Variants in RGR observed in about 807,000 individuals in gnomAD.
RGR encodes RPE-retinal G protein-coupled receptor.
In RGR, 30 loss-of-function variants were observed where a neutral mutation model predicts 28.6. The ratio of observed to expected loss-of-function variants is 1.05; its 90% confidence interval spans 0.78 to 1.42. The LOEUF is 1.42. Among genes scored for constraint, RGR ranks in the 40% most tolerant of loss-of-function variants. The pLI, the probability that RGR is intolerant of heterozygous loss-of-function variation, is 0.00. For missense variants in RGR, 404 were observed against 375.6 expected, an observed-to-expected ratio of 1.08 and a Z score of -0.62; for synonymous variants, 180 against 156.4, an observed-to-expected ratio of 1.15 and a Z score of -1.13.
At chr10:84,255,791 G>C (rs10887263) in intron 5 of RGR, among the ~76,000 whole-genome samples, 68,652 of 140,698 alleles carry the variant, frequency 0.49, 18,219 homozygotes, top group African/African-American at 0.73. Context: ...ATGGTGTGAT[G>C]TCGGCTCACC....
At chr10:84,247,883 A>C in intron 2 of RGR, 136 bp downstream of exon 2, 1 of 1,215,236 alleles carries the variant, frequency 8.2e-7, no homozygotes, top group Non-Finnish European at 1.2e-6. Context: ...GCAGGCTAAA[A>C]TGGGCTGAAT....
At chr10:84,249,223 T>C (rs1258661912) in intron 3 of RGR, among the ~76,000 whole-genome samples, 180 bp downstream of exon 3, 1 of 152,186 alleles carries the variant, frequency 6.6e-6, no homozygotes, top group East Asian at 1.9e-4. Flanking sequence ...TGGGAGAGTG[T>C]GCAGGAGAGC....
chr10:84,248,757 C>G, intron 2 of RGR, 165 bp from the exon 3 acceptor site: 1 of 1,275,268 alleles, frequency 7.8e-7, no homozygotes, highest in Non-Finnish European at 1.1e-6. Flanking sequence ...CCCCTTCAGC[C>G]CAGTTACTTG....
Position 84,254,273 on chromosome 10 carries a change from C to T in RGR, c.513-53C>T, listed in dbSNP as rs1842854474. On this transcript the variant is annotated intron_variant, in intron 4 of 6. Transcript: ENST00000652092. ...GGCAGAGCTGGTGGGTCCTTGAGGG[C>T]AGCTGGCCATCCCTGAGAGCTAACC... 2.7e-6 allele frequency: 4 copies of T among 1,484,162 alleles called. No homozygotes were observed. In the African/African-American group the frequency reaches 5.5e-5, roughly 21 times the overall value. The allele number at this position is 1,484,162 out of a possible 1,614,324, so 91.9% of individuals were successfully genotyped here.
intron 5 of RGR, among the ~76,000 whole-genome samples, chr10:84,256,745 C>T (rs943689854): frequency 1.3e-5 from 2 of 152,168 alleles, no homozygotes; most frequent in Non-Finnish European, 2.9e-5. Flanking sequence ...GCAAAGTTCA[C>T]ATTTACTGGA....
chr10:84,256,995 C>G (rs1392870879), intron 5 of RGR, among the ~76,000 whole-genome samples: 1 of 151,456 alleles, frequency 6.6e-6, no homozygotes, highest in Non-Finnish European at 1.5e-5. Flanking sequence ...TTTTTTTTTC[C>G]CCAAATAAGG....
At chr10:84,245,282 C>A in intron 1 of RGR, 113 bp downstream of exon 1, 1 of 1,003,512 alleles carries the variant, frequency 1.0e-6, no homozygotes, top group East Asian at 2.5e-5. Flanking sequence ...GCTGGGTGTC[C>A]GGTCCCATTG....
At chr10:84,248,889 G>A (rs776847577) in intron 2 of RGR, 33 bp from the exon 3 acceptor site, 2 of 1,614,208 alleles carry the variant, frequency 1.2e-6, no homozygotes, top group Non-Finnish European at 1.7e-6. Flanking sequence ...AAGGATCGGA[G>A]GAGAGGTCAC....
chr10:84,255,718 CTTTTTT>C (rs71013305), intron 5 of RGR, among the ~76,000 whole-genome samples: 63 of 102,850 alleles, frequency 6.1e-4, no homozygotes, highest in Admixed American at 9.1e-4. Context: ...GGTTTTCTTT[CTTTTTT>C]TTTTTTTTTT....
At chr10:84,249,125 G>T in intron 3 of RGR, 82 bp downstream of exon 3, 1 of 1,579,732 alleles carries the variant, frequency 6.3e-7, no homozygotes, top group Non-Finnish European at 8.7e-7. Context: ...GTCATAACTA[G>T]CTACTGCTCC....
chr10:84,247,001 A>AT (rs538042638), intron 1 of RGR, among the ~76,000 whole-genome samples: 120 of 152,170 alleles, frequency 7.9e-4, no homozygotes, highest in South Asian at 4.8e-3. Context: ...TGAAGGCAGG[A>AT]TTTTTTCCTG....
intron 5 of RGR, among the ~76,000 whole-genome samples, chr10:84,256,358 G>A (rs1490931666): frequency 1.3e-5 from 2 of 152,112 alleles, no homozygotes; most frequent in African/African-American, 4.8e-5. Flanking sequence ...CGGCCAGAAG[G>A]AGGTTTTCTT....
At position 84,257,950 on chromosome 10, in the gene RGR, C is replaced by G. The variant is rs866194021; in HGVS notation, c.688C>G (p.Leu230Val). Residue 230 changes from leucine (L) to valine (V), a missense_variant, in exon 6 of 7, where the codon CTG becomes GTG. Physicochemically the swap from Leu to Val is conservative, Grantham distance 32 (BLOSUM62 1). Transcript: ENST00000652092. ...GCTCGGCTGGGGCCCCTATGCCATCCTGTATCTATACGCAGTCATCGCAGA... is the reference window on the plus strand; with the variant it reads ...GCTCGGCTGGGGCCCCTATGCCATCGTGTATCTATACGCAGTCATCGCAGA... The part of the protein sequence containing the change: ...LLLGWGPYAI[L>V]YLYAVIADVT... The G allele has an allele frequency of 4.3e-6, 7 of 1,614,228 alleles. 2 individuals carry two copies. In the Middle Eastern group the frequency reaches 9.9e-4, roughly 228 times the overall value.
intron 5 of RGR, among the ~76,000 whole-genome samples, chr10:84,256,704 G>A (rs966753058): frequency 1.3e-5 from 2 of 152,128 alleles, no homozygotes; most frequent in African/African-American, 4.8e-5. Flanking sequence ...GCTGTCCTCC[G>A]CGATGCCGGT....
intron 2 of RGR, 67 bp downstream of exon 2, chr10:84,247,814 G>A (rs1842766806): frequency 2.5e-6 from 4 of 1,610,946 alleles, no homozygotes; most frequent in Admixed American, 1.7e-5. Flanking sequence ...TGGGCCCTGG[G>A]CAGCCAGGCC....
At chr10:84,245,366 G>T (rs575894298) in intron 1 of RGR, among the ~76,000 whole-genome samples, 197 bp downstream of exon 1, 1 of 152,288 alleles carries the variant, frequency 6.6e-6, no homozygotes, top group East Asian at 1.9e-4. Flanking sequence ...CACACTGCCC[G>T]CTGGGAGCAG....
chr10:84,256,692 A>G (rs1279649694), intron 5 of RGR, among the ~76,000 whole-genome samples: 1 of 152,134 alleles, frequency 6.6e-6, no homozygotes, highest in East Asian at 1.9e-4. Flanking sequence ...CGCCGCTTCT[A>G]GGCTGTCCTC....
Position 84,258,762 on chromosome 10 carries a change from A to C in RGR, c.*123A>C. 5.7e-6 allele frequency: 8 copies of C among 1,412,822 alleles called. No individual in the cohort carries two copies. The highest frequency in any genetic ancestry group is 7.8e-6 in the Non-Finnish European group (8 of 1,025,308). 87.5% of individuals were successfully genotyped at this position (1,412,822 alleles called of 1,614,324 possible). A position where few individuals can be genotyped will look rare whatever the true frequency, so the allele number is the denominator to read the frequency against. On this transcript the variant is annotated 3_prime_UTR_variant, in exon 7 of 7. Transcript: ENST00000652092. ...CAGTGGCCCCGTGGATCCTGGTCCT[A>C]GGCTGGACACAGGATTCAGAAAGAC...
Position 84,247,687 on chromosome 10 carries a change from C to T in RGR, c.176C>T (p.Ala59Val), listed in dbSNP as rs1842764206. The T allele has an allele frequency of 1.2e-6, 2 of 1,614,098 alleles. No individual in the cohort carries two copies. The highest frequency in any genetic ancestry group is 1.3e-5 in the African/African-American group (1 of 74,930). The change falls in exon 2 of 7, where the codon GCT becomes GTT. Residue 59 changes from alanine to valine, a missense_variant. Ala to Val is a moderately conservative substitution (Grantham distance 64, BLOSUM62 0). Coordinates refer to ENST00000652092, the MANE Select transcript of RGR (RefSeq NM_001012720.2). ...TGCCACCTACTGGTGCTGAGCTTGG[C>T]TCTTGCGGACAGTGGGATCAGCCTG... ...TPCHLLVLSLALADSGISLNA... is the reference protein window; with the variant it reads ...TPCHLLVLSLVLADSGISLNA...
Sources: gnomAD v4.1 joint callset for allele counts (sites outside exome capture counted in the v4.1 genomes callset) on GRCh38, gnomAD v4.1.1 for gene constraint, MANE v1.5 for transcripts, NCBI Gene and HGNC (gene_info 2026-07-23, HGNC 2026-07-21) for gene names.